CDKN2B-AS1: variants seen among roughly 807,000 people sequenced by gnomAD.
CDKN2B-AS1 encodes the protein CDKN2B antisense RNA 1 (non-protein coding).
intron 4 of CDKN2B-AS1, among the ~76,000 whole-genome samples, chr9:22,087,293 A>G (rs1824896349): frequency 6.6e-6 from 1 of 152,228 alleles, no homozygotes; most frequent in Admixed American, 6.5e-5. Flanking sequence ...AGTTGGTGCT[A>G]TGGAAGCCAT....
intron 4 of CDKN2B-AS1, among the ~76,000 whole-genome samples, chr9:22,088,932 C>T (rs1824961694): frequency 6.6e-6 from 1 of 152,190 alleles, no homozygotes; most frequent in Non-Finnish European, 1.5e-5. Flanking sequence ...TTTGTCTGAA[C>T]TTGAGTGTCT....
chr9:22,045,034 T>TGTG (rs1563943297), intron 1 of CDKN2B-AS1, among the ~76,000 whole-genome samples: 32 of 103,324 alleles, frequency 3.1e-4, no homozygotes, highest in African/African-American at 1.8e-3. Context: ...AAAATATTAT[T>TGTG]TATTTGTGTG....
chr9:22,086,984 AG>A (rs1824887670), intron 4 of CDKN2B-AS1, among the ~76,000 whole-genome samples: 1 of 152,240 alleles, frequency 6.6e-6, no homozygotes, highest in African/African-American at 2.4e-5. Context: ...TTGCCTACGC[AG>A]GGAAGTTTTC....
rs193214794 is a variant in CDKN2B-AS1, at chr9:22,075,388, C to T, written n.438+19001C>T. Reference sequence around the variant, plus strand: ...TGGTGATGAATATGAAAGAAAGAGTCATAGTATATGATCAAAGCAGAGAGG... The same window carrying T: ...TGGTGATGAATATGAAAGAAAGAGTTATAGTATATGATCAAAGCAGAGAGG... On this transcript the variant is annotated intron_variant and non_coding_transcript_variant, in intron 4 of 4. Transcript: ENST00000650946. 9.3e-4 allele frequency among the ~76,000 whole-genome samples: 141 copies of T among 152,248 alleles called. 1 individual carries two copies. Among genetic ancestry groups the T allele is most frequent in the African/African-American group, 3.3e-3 (137 of 41,548 alleles).
intron 4 of CDKN2B-AS1, among the ~76,000 whole-genome samples, chr9:22,090,082 G>T (rs1338585893): frequency 2.7e-5 from 4 of 149,518 alleles, no homozygotes; most frequent in African/African-American, 9.9e-5. Context: ...GCAGTGTTTG[G>T]TTTTTTGTCC....
chr9:22,110,621 A>G (rs1825781318), intron 4 of CDKN2B-AS1, among the ~76,000 whole-genome samples: 1 of 152,124 alleles, frequency 6.6e-6, no homozygotes, highest in Non-Finnish European at 1.5e-5. Flanking sequence ...AGTTACTATG[A>G]TTATTTTTTG....
At chr9:22,008,694 C>T in intron 1 of CDKN2B-AS1, 4 of 1,611,046 alleles carry the variant, frequency 2.5e-6, no homozygotes, top group African/African-American at 1.3e-5. Flanking sequence ...ACGGAGACTC[C>T]TGTACAAATC....
intron 4 of CDKN2B-AS1, among the ~76,000 whole-genome samples, chr9:22,121,268 T>TGATGGGTA (rs1211677796): frequency 1.3e-5 from 2 of 151,808 alleles, no homozygotes; most frequent in East Asian, 3.9e-4. Flanking sequence ...ATGGCAAGGG[T>TGATGGGTA]GATGGGTAGA....
intron 1 of CDKN2B-AS1, chr9:22,029,552 A>T: frequency 1.3e-6 from 1 of 778,976 alleles, no homozygotes. Flanking sequence ...TCTTTGTGGT[A>T]GTTAGGGTGT....
chr9:22,012,471 A>C, intron 1 of CDKN2B-AS1: 2 of 690,074 alleles, frequency 2.9e-6, no homozygotes, highest in Non-Finnish European at 2.7e-6. Context: ...CTGCACCCCT[A>C]TGCTGTCAAT....
At chr9:22,053,078 T>A (rs1823422901) in intron 3 of CDKN2B-AS1, among the ~76,000 whole-genome samples, 3 of 152,240 alleles carry the variant, frequency 2.0e-5, no homozygotes. Context: ...GAATTTGCAG[T>A]AGTTATCACC....
At chr9:22,044,833 T>C (rs1823039672) in intron 1 of CDKN2B-AS1, among the ~76,000 whole-genome samples, 1 of 151,906 alleles carries the variant, frequency 6.6e-6, no homozygotes, top group African/African-American at 2.4e-5. Flanking sequence ...GGAAAGAAGT[T>C]TGAAGGCAAA....
At chr9:22,125,881 G>A (rs1188684562) in intron 4 of CDKN2B-AS1, among the ~76,000 whole-genome samples, 2 of 152,134 alleles carry the variant, frequency 1.3e-5, no homozygotes, top group Non-Finnish European at 2.9e-5. Context: ...GATATAAGCA[G>A]ATATTCCAAG....
chr9:22,042,101 C>T (rs1178043066), intron 1 of CDKN2B-AS1, among the ~76,000 whole-genome samples: 2 of 152,040 alleles, frequency 1.3e-5, no homozygotes. Context: ...GAGATCACTG[C>T]TAGCTCATTC....
chr9:22,002,774 T>C (rs1337205345), intron 1 of CDKN2B-AS1: 2 of 164,964 alleles, frequency 1.2e-5, no homozygotes, highest in South Asian at 4.1e-4. Flanking sequence ...TCCTTAGTTA[T>C]GAAATTACTA....
intron 1 of CDKN2B-AS1, among the ~76,000 whole-genome samples, chr9:22,027,177 CA>C (rs35868692): frequency 0.52 from 73,289 of 141,692 alleles, 18,006 homozygotes; most frequent in African/African-American, 0.57. Context: ...ACCTTTCTAG[CA>C]AAAAAAAAAA....
chr9:22,090,904 G>A (rs1316196895), intron 4 of CDKN2B-AS1, among the ~76,000 whole-genome samples: 1 of 152,106 alleles, frequency 6.6e-6, no homozygotes, highest in Admixed American at 6.6e-5. Flanking sequence ...CCTTGCCCAT[G>A]CCTATGTCCT....
chr9:22,098,173 G>C (rs1825351407), intron 4 of CDKN2B-AS1, among the ~76,000 whole-genome samples: 1 of 151,688 alleles, frequency 6.6e-6, no homozygotes, highest in Non-Finnish European at 1.5e-5. Context: ...GTGTGTGTGT[G>C]TGTGTGTGTG....
At chr9:22,087,301 C>T (rs1039678971) in intron 4 of CDKN2B-AS1, among the ~76,000 whole-genome samples, 3 of 152,158 alleles carry the variant, frequency 2.0e-5, no homozygotes, top group African/African-American at 4.8e-5. Context: ...CTATGGAAGC[C>T]ATCTTCAGAC....
Sources: allele counts gnomAD v4.1 joint callset (sites outside exome capture counted in the v4.1 genomes callset), GRCh38; gene constraint gnomAD v4.1.1; transcripts MANE v1.5; gene names NCBI Gene and HGNC (gene_info 2026-07-23, HGNC 2026-07-21).